NALF1: variants seen among roughly 807,000 people sequenced by gnomAD.
NALF1 encodes the protein NALCN channel auxiliary factor 1.
NALF1 carries 3 observed loss-of-function variants against 48.4 expected under a neutral mutation model. That is an observed-to-expected ratio of 0.06 (90% CI 0.03 to 0.16). The LOEUF (loss-of-function observed/expected upper bound fraction) is 0.16. NALF1 is among the 10% of genes least tolerant of loss of function. NALF1 has a pLI of 1.00. For synonymous variants in NALF1, 262 were observed against 245.7 expected (o/e 1.07, Z -0.62); for missense variants, 526 against 571.5 (o/e 0.92, Z 0.81).
intron 1 of NALF1, among the ~76,000 whole-genome samples, chr13:107,463,328 A>C (rs1884949918): frequency 6.6e-6 from 1 of 152,210 alleles, no homozygotes; most frequent in Non-Finnish European, 1.5e-5. Flanking sequence ...GTTAGACTCC[A>C]AGGTTTGTGT....
At chr13:107,213,873 G>T (rs1879818834) in intron 1 of NALF1, among the ~76,000 whole-genome samples, 1 of 152,166 alleles carries the variant, frequency 6.6e-6, no homozygotes, top group African/African-American at 2.4e-5. Flanking sequence ...AGCAAACGAG[G>T]GGTGAGGTTC....
At chr13:107,214,641 G>A (rs533878322) in intron 1 of NALF1, among the ~76,000 whole-genome samples, 6 of 151,974 alleles carry the variant, frequency 3.9e-5, no homozygotes, top group Non-Finnish European at 8.8e-5. Context: ...ATGGCCCACC[G>A]CCCCCACGCT....
chr13:107,206,976 G>C (rs1035778234), intron 2 of NALF1, among the ~76,000 whole-genome samples: 1 of 152,098 alleles, frequency 6.6e-6, no homozygotes, highest in Non-Finnish European at 1.5e-5. Context: ...TGAATTTGAA[G>C]GAAACTCCAC....
chr13:107,596,212 C>A (rs761533143), intron 1 of NALF1, among the ~76,000 whole-genome samples: 1 of 152,064 alleles, frequency 6.6e-6, no homozygotes, highest in Non-Finnish European at 1.5e-5. Flanking sequence ...CAAGTGCCTC[C>A]TCATAAGAAA....
chr13:107,691,608 C>A (rs1187923296), intron 1 of NALF1, among the ~76,000 whole-genome samples: 1 of 152,110 alleles, frequency 6.6e-6, no homozygotes, highest in East Asian at 1.9e-4. Flanking sequence ...TTGACAGGAG[C>A]AAGTATCTAA....
At chr13:107,182,633 C>T (rs1224783073) in intron 2 of NALF1, among the ~76,000 whole-genome samples, 2 of 152,036 alleles carry the variant, frequency 1.3e-5, no homozygotes, top group Non-Finnish European at 2.9e-5. Context: ...GTTATTAATT[C>T]TATTAGAACT....
intron 1 of NALF1, among the ~76,000 whole-genome samples, chr13:107,211,833 T>A (rs2138805833): frequency 6.6e-6 from 1 of 152,346 alleles, no homozygotes; most frequent in Non-Finnish European, 1.5e-5. Flanking sequence ...ATTTATCAAC[T>A]TTATACTCTT....
At chr13:107,477,157 T>C (rs747695540) in intron 1 of NALF1, among the ~76,000 whole-genome samples, 16 of 152,078 alleles carry the variant, frequency 1.1e-4, no homozygotes, top group Non-Finnish European at 2.1e-4. Flanking sequence ...AGGAGTCCCA[T>C]AGTTTAATAA....
chr13:107,438,870 C>T (rs1293916875), intron 1 of NALF1, among the ~76,000 whole-genome samples: 4 of 99,926 alleles, frequency 4.0e-5, no homozygotes, highest in African/African-American at 1.0e-4. Flanking sequence ...TAAAGGGTGT[C>T]GATGTTTGAT....
At chr13:107,252,561 C>T (rs1297803494) in intron 1 of NALF1, among the ~76,000 whole-genome samples, 1 of 152,006 alleles carries the variant, frequency 6.6e-6, no homozygotes, top group East Asian at 1.9e-4. Flanking sequence ...AGTGAGCCCA[C>T]TCTGGAAGCT....
chr13:107,545,106 T>C (rs1014564571), intron 1 of NALF1, among the ~76,000 whole-genome samples: 11 of 152,342 alleles, frequency 7.2e-5, no homozygotes, highest in African/African-American at 2.4e-4. Context: ...AATAGGTCTC[T>C]ATAGATGCAG....
intron 1 of NALF1, among the ~76,000 whole-genome samples, chr13:107,391,152 T>C (rs578102466): frequency 3.9e-4 from 60 of 152,132 alleles, no homozygotes; most frequent in African/African-American, 1.3e-3. Flanking sequence ...ATGTAAGAAG[T>C]TTTTCCTAGC....
intron 2 of NALF1, among the ~76,000 whole-genome samples, chr13:107,181,375 A>C (rs143762162): frequency 1.2e-3 from 183 of 151,636 alleles, no homozygotes; most frequent in African/African-American, 4.3e-3. Flanking sequence ...TACTGATCTA[A>C]ATTTCCATTT....
chr13:107,312,913 A>G (rs1233245068), intron 1 of NALF1, among the ~76,000 whole-genome samples: 1 of 152,230 alleles, frequency 6.6e-6, no homozygotes, highest in Non-Finnish European at 1.5e-5. Context: ...AAGTACCACA[A>G]GATATTTGAG....
chr13:107,475,079 G>A (rs1885158003), intron 1 of NALF1, among the ~76,000 whole-genome samples: 1 of 152,148 alleles, frequency 6.6e-6, no homozygotes, highest in Admixed American at 6.5e-5. Flanking sequence ...GTTCTCATTA[G>A]AGAACCAAGA....
rs1878771020 is a variant in NALF1, at chr13:107,170,267, A to G, written c.*230T>C. 2 of 457,682 alleles carry G rather than the reference A, an allele frequency of 4.4e-6. No individual in the cohort carries two copies. Among genetic ancestry groups the G allele is most frequent in the South Asian group, 1.1e-4 (2 of 18,954 alleles). The allele number at this position is 457,682 out of a possible 1,614,324, so 28.4% of individuals were successfully genotyped here. On this transcript the variant is annotated 3_prime_UTR_variant, in exon 3 of 3. Transcript: ENST00000375915. The stretch of plus-strand genomic sequence containing the variant: ...AAATAAAACCTCCAAACATTAAAAC[A>G]CAGTGTATAAAATGGTGTGAGAAAT...
intron 1 of NALF1, among the ~76,000 whole-genome samples, chr13:107,683,941 T>C (rs1282777651): frequency 2.0e-5 from 3 of 152,224 alleles, no homozygotes; most frequent in African/African-American, 7.2e-5. Flanking sequence ...GGAAAAGTAC[T>C]CAAATGTCCT....
At chr13:107,631,979 C>A (rs1354019366) in intron 1 of NALF1, among the ~76,000 whole-genome samples, 1 of 152,098 alleles carries the variant, frequency 6.6e-6, no homozygotes, top group East Asian at 1.9e-4. Flanking sequence ...TCAGAAATTA[C>A]AATGATGCAT....
At chr13:107,850,795 T>G (rs538826205) in intron 1 of NALF1, among the ~76,000 whole-genome samples, 7 of 151,658 alleles carry the variant, frequency 4.6e-5, no homozygotes, top group African/African-American at 1.7e-4. Flanking sequence ...CCCAGCTACT[T>G]GGGAGGCTGA....
Sources: gnomAD v4.1 joint callset for allele counts (sites outside exome capture counted in the v4.1 genomes callset) on GRCh38, gnomAD v4.1.1 for gene constraint, MANE v1.5 for transcripts, NCBI Gene and HGNC (gene_info 2026-07-23, HGNC 2026-07-21) for gene names.